The following GOLGA8A variants were observed in gnomAD, a reference collection of about 807,000 sequenced individuals.
GOLGA8A encodes the protein golgin A8 family member A.
A neutral mutation model predicts 22.1 loss-of-function variants in GOLGA8A; 3 were observed. The ratio of observed to expected loss-of-function variants is 0.14; its 90% CI spans 0.06 to 0.35. The LOEUF is 0.35. Ranked by LOEUF, GOLGA8A falls within the 10% of genes least tolerant of loss-of-function variation. The pLI is 1.00. For missense variants in GOLGA8A, 16 were observed against 233.2 expected (o/e 0.07, Z 6.07); for synonymous variants, 7 against 91.7 (o/e 0.08, Z 5.28).
Position 34,435,985 on chromosome 15 carries a change from G to C in GOLGA8A, c.-1211-514C>G, listed in dbSNP as rs529530428. Among the ~76,000 whole-genome samples the C allele has an allele frequency of 1.9e-4, 28 of 149,464 alleles. 3 individuals are homozygous for C. The highest frequency in any genetic ancestry group is 1.1e-3 in the Admixed American group (16 of 14,818). On this transcript the variant is annotated intron_variant, in intron 1 of 24. Transcript: ENST00000359187. The stretch of plus-strand genomic sequence containing the variant: ...TCCTAAGCTCAGGAGACCCTCTCCA[G>C]CCCAGGCTGTGGGGGAAGGCAGCCC...
In GOLGA8A at chr15:34,435,442, C is replaced by CAT. The variant is rs1893459442; in HGVS notation, c.-1184_-1183dup. 1 of 149,342 alleles carries CAT rather than the reference C, an allele frequency of 6.7e-6. No homozygotes were observed. Among genetic ancestry groups the CAT allele is most frequent in the African/African-American group, 2.5e-5 (1 of 40,468 alleles). The allele number at this position is 149,342 out of a possible 1,614,324, so 9.3% of individuals were successfully genotyped here. On this transcript the variant is annotated 5_prime_UTR_variant, in exon 2 of 25. It adds an upstream start codon to the 5' untranslated region. Coordinates refer to ENST00000359187, the MANE Select transcript of GOLGA8A (RefSeq NM_181077.5). ...GGCAAACTGGATATTTATGCACCTC[C>CAT]ATTTCACAATCCATCTCCACCGATT...
chr15:34,418,175 G>T, intron 2 of GOLGA8A: 1 of 112,700 alleles, frequency 8.9e-6, no homozygotes, highest in Admixed American at 1.1e-4. Flanking sequence ...CTTCTAGGCT[G>T]CTGTAAAGAT....
At position 34,437,529 on chromosome 15, in the gene GOLGA8A, GCCGCCGTCC is replaced by G. The variant is rs1893604193; in HGVS notation, c.-1352_-1344del. 1.6e-3 allele frequency: 7 copies of G among 4,274 alleles called. No homozygotes were observed. Among genetic ancestry groups the G allele is most frequent in the Admixed American group, 0.014 (7 of 486 alleles). 0.3% of individuals were successfully genotyped at this position (4,274 alleles called of 1,614,324 possible). A position where few individuals can be genotyped will look rare whatever the true frequency, so the allele number is the denominator to read the frequency against. On this transcript the variant is annotated 5_prime_UTR_variant, in exon 1 of 25. Transcript: ENST00000359187. ...CTCGCCGCGCCGCCGTCCTCGCCGCGCCGCCGTCCTCGCCGCGCCGCCGTCCTCGCCGCG... is the reference window on the plus strand; with the variant it reads ...CTCGCCGCGCCGCCGTCCTCGCCGCGTCGCCGCGCCGCCGTCCTCGCCGCG...
intron 2 of GOLGA8A, among the ~76,000 whole-genome samples, chr15:34,423,636 C>G (rs1391319608): frequency 6.7e-6 from 1 of 148,796 alleles, no homozygotes; most frequent in Non-Finnish European, 1.5e-5. Flanking sequence ...TGACAGGGAA[C>G]AACTGAGGAT....
rs1449186399 is a variant in GOLGA8A at position 34,437,444 on chromosome 15, GCCGCCGTCC to G, written c.-1267_-1259del. ...CCCGGTCCGCCGCCGTCCTCGCCGC[GCCGCCGTCC>G]TCGCCGCGCCGCCGTCCTCGCCGCG... On this transcript the variant is annotated 5_prime_UTR_variant, in exon 1 of 25. Coordinates refer to ENST00000359187, the MANE Select transcript of GOLGA8A (RefSeq NM_181077.5). 2 of 138,068 alleles carry G rather than the reference GCCGCCGTCC, an allele frequency of 1.4e-5. No individual in the cohort carries two copies. Among genetic ancestry groups the G allele is most frequent in the Non-Finnish European group, 3.2e-5 (2 of 62,624 alleles). 8.6% of individuals were successfully genotyped at this position (138,068 alleles called of 1,614,324 possible).
chr15:34,431,109 A>G (rs78929191), intron 2 of GOLGA8A, among the ~76,000 whole-genome samples: 1 of 148,636 alleles, frequency 6.7e-6, no homozygotes, highest in Non-Finnish European at 1.5e-5. Flanking sequence ...TAGTGGCTTT[A>G]CTATTTTTGA....
rs2081562 is a variant in GOLGA8A at position 34,429,609 on chromosome 15, C to T, written c.-1123+5774G>A. Among the ~76,000 whole-genome samples the T allele has an allele frequency of 1.0e-2, 1,488 of 149,238 alleles. 107 individuals carry two copies. Among genetic ancestry groups the T allele is most frequent in the African/African-American group, 0.025 (1,017 of 40,510 alleles). The stretch of plus-strand genomic sequence containing the variant: ...GAGCCAGAATGGGGCTCTGATGCCA[C>T]TGCACATTCTCCAGCAACCCCTTCC... On this transcript the variant is annotated intron_variant, in intron 2 of 24. Transcript: ENST00000359187.
chr15:34,381,239 C>A lies in GOLGA8A; in HGVS notation c.*172G>T. 6.4e-6 allele frequency: 7 copies of A among 1,097,748 alleles called. No individual in the cohort carries two copies. The highest frequency in any genetic ancestry group is 7.9e-6 in the Non-Finnish European group (6 of 760,448). The allele number at this position is 1,097,748 out of a possible 1,614,324, so 68.0% of individuals were successfully genotyped here. Reference sequence around the variant, plus strand: ...TGAACATCAGTGAGAGCCACAGAGACCCACTCTCTTTTAACTTTTTACAAA... The same window carrying A: ...TGAACATCAGTGAGAGCCACAGAGAACCACTCTCTTTTAACTTTTTACAAA... On this transcript the variant is annotated 3_prime_UTR_variant, in exon 25 of 25. Transcript: ENST00000359187.
At chr15:34,411,546 A>ACTTGTATCTTAAT in intron 2 of GOLGA8A, among the ~76,000 whole-genome samples, 2 of 72,160 alleles carry the variant, frequency 2.8e-5, no homozygotes, top group African/African-American at 1.5e-4. Flanking sequence ...TCTTCTCTCT[A>ACTTGTATCTTAAT]GAACACATTG....
At chr15:34,429,019 T>A (rs1348769628) in intron 2 of GOLGA8A, 2 of 147,994 alleles carry the variant, frequency 1.4e-5, no homozygotes, top group Admixed American at 1.4e-4. Context: ...AGCCTCCCCG[T>A]GATGCTGGCA....
chr15:34,428,086 A>C (rs1478856249), intron 2 of GOLGA8A, among the ~76,000 whole-genome samples: 1 of 147,000 alleles, frequency 6.8e-6, no homozygotes, highest in African/African-American at 2.5e-5. Flanking sequence ...CTCTCCTTCA[A>C]ATCAGACTTC....
chr15:34,426,421 G>C (rs1041016200), intron 2 of GOLGA8A, among the ~76,000 whole-genome samples: 4 of 147,180 alleles, frequency 2.7e-5, no homozygotes, highest in African/African-American at 1.0e-4. Context: ...GAAAACGGGA[G>C]GAATCGCCAC....
intron 1 of GOLGA8A, among the ~76,000 whole-genome samples, chr15:34,436,869 T>C (rs1276687603): frequency 2.0e-5 from 3 of 149,678 alleles, no homozygotes; most frequent in Admixed American, 6.7e-5. Flanking sequence ...TTTGAGTTTT[T>C]CCCTCTGGGC....
In GOLGA8A at chr15:34,379,144, C is replaced by A. The variant is rs1486678154; in HGVS notation, c.*2267G>T. 6.6e-6 allele frequency: 1 copy of A among 152,590 alleles called. No homozygotes were observed. The highest frequency in any genetic ancestry group is 1.9e-4 in the East Asian group (1 of 5,198). The allele number at this position is 152,590 out of a possible 1,614,324, so 9.5% of individuals were successfully genotyped here. ...CAATAATGCCACTTTAAGCAAAAGT[C>A]TTTCAGTATTTCCGTTACACATTCT... On this transcript the variant is annotated 3_prime_UTR_variant, in exon 25 of 25. Coordinates refer to ENST00000359187, the MANE Select transcript of GOLGA8A (RefSeq NM_181077.5).
rs949782108 is a variant in GOLGA8A, at chr15:34,430,466, A to C, written c.-1123+4917T>G. ...ACCCAATGCCATTCCCGAGACAATC[A>C]GCCATCAATCTGACCCACTCAGTCC... is the stretch of plus-strand genomic sequence containing the variant. On this transcript the variant is annotated intron_variant, in intron 2 of 24. Coordinates refer to ENST00000359187, the MANE Select transcript of GOLGA8A (RefSeq NM_181077.5). Among the ~76,000 whole-genome samples the C allele has an allele frequency of 5.4e-5, 8 of 149,132 alleles. 1 individual carries two copies. Among genetic ancestry groups the C allele is most frequent in the African/African-American group, 2.0e-4 (8 of 40,332 alleles).
intron 2 of GOLGA8A, among the ~76,000 whole-genome samples, chr15:34,431,243 G>C: frequency 8.4e-6 from 1 of 119,562 alleles, no homozygotes; most frequent in Non-Finnish European, 1.8e-5. Context: ...GAGCTGCCTT[G>C]CTGGAGAATC....
chr15:34,402,935 A>G (rs1395552615), intron 5 of GOLGA8A, among the ~76,000 whole-genome samples: 1 of 99,020 alleles, frequency 1.0e-5, no homozygotes, highest in Non-Finnish European at 2.0e-5. Flanking sequence ...AAAATGACAA[A>G]AAAATTTCGA....
At chr15:34,431,911 ATC>A (rs1479577371) in intron 2 of GOLGA8A, among the ~76,000 whole-genome samples, 1 of 149,144 alleles carries the variant, frequency 6.7e-6, no homozygotes, top group African/African-American at 2.5e-5. Context: ...CATATATGCT[ATC>A]ATTCACCAAA....
rs1227591315 is a variant in GOLGA8A, at chr15:34,430,596, T to C, written c.-1123+4787A>G. Among the ~76,000 whole-genome samples, 19 of 149,260 alleles carry C rather than the reference T, an allele frequency of 1.3e-4. 1 individual carries two copies. Among genetic ancestry groups the C allele is most frequent in the African/African-American group, 2.7e-4 (11 of 40,474 alleles). On this transcript the variant is annotated intron_variant, in intron 2 of 24. Coordinates refer to ENST00000359187, the MANE Select transcript of GOLGA8A (RefSeq NM_181077.5). ...CTCAGCTGACAGCTTTCACGCGTAC[T>C]AGCCAGAATCAGTTAGAGGCTGGAG...
Sources: gnomAD v4.1 joint callset for allele counts (sites outside exome capture counted in the v4.1 genomes callset) on GRCh38, gnomAD v4.1.1 for gene constraint, MANE v1.5 for transcripts, NCBI Gene and HGNC (gene_info 2026-07-23, HGNC 2026-07-21) for gene names.